The following KAT6B variants were observed in gnomAD, a reference collection of about 807,000 sequenced individuals.
KAT6B encodes histone acetyltransferase KAT6B.
KAT6B carries 10 observed loss-of-function variants against 187.5 expected under a neutral mutation model. That is an observed-to-expected ratio of 0.05 (90% CI 0.03 to 0.09). The LOEUF is 0.09. Ranked by LOEUF, KAT6B falls within the 10% of genes least tolerant of loss-of-function variation. The pLI, the probability that KAT6B is intolerant of heterozygous loss-of-function variation, is 1.00. For missense variants in KAT6B, 1,952 were observed against 2,558.9 expected (o/e 0.76, Z 5.12); for synonymous variants, 861 against 926.8 (o/e 0.93, Z 1.29).
chr10:74,874,569 A>C (rs909279679), intron 3 of KAT6B, among the ~76,000 whole-genome samples: 1 of 151,964 alleles, frequency 6.6e-6, no homozygotes, highest in Non-Finnish European at 1.5e-5. Context: ...TAGTAGAGAC[A>C]GGGTTTCTAC....
chr10:74,921,486 T>C lies in KAT6B; in HGVS notation c.622-38484T>C, dbSNP rs527418735. Among the ~76,000 whole-genome samples the C allele has an allele frequency of 2.6e-5, 4 of 152,334 alleles. No homozygotes were observed. The East Asian group carries it at 7.7e-4, about 29-fold the overall frequency. ...GTGTGAACTGTCCCTTGCTGTTTTT[T>C]GGGCATCTATCAAGGCATTTGTTCT... On this transcript the variant is annotated intron_variant, in intron 3 of 17. Coordinates refer to ENST00000287239, the MANE Select transcript of KAT6B (RefSeq NM_012330.4).
chr10:74,878,657 G>A (rs1247044118), intron 3 of KAT6B, among the ~76,000 whole-genome samples: 5 of 152,086 alleles, frequency 3.3e-5, no homozygotes, highest in Middle Eastern at 3.4e-3. Context: ...GTTTTGGCTG[G>A]GGAAGGCTTT....
Position 75,029,436 on chromosome 10 carries a change from G to T in KAT6B, c.4612G>T (p.Asp1538Tyr). The T allele has an allele frequency of 6.2e-7, 1 of 1,614,112 alleles. No homozygotes were observed. The highest frequency in any genetic ancestry group is 8.5e-7 in the Non-Finnish European group (1 of 1,180,032). The change falls in exon 18 of 18, where the codon GAC (aspartate) becomes TAC (tyrosine). Residue 1538 changes from aspartate (D) to tyrosine (Y), a missense_variant. Asp to Tyr is a radical substitution (Grantham distance 160, BLOSUM62 -3). This residue lies in a region of KAT6B where 758 missense variants were observed against 891.4 expected (regional missense o/e 0.85). Transcript: ENST00000287239. This position sits in a 1 kb window ranked among gnomAD's most constrained non-coding sequence, Gnocchi z 6.2. ...GGGAAACCCAGCAACCATGGAAATC[G>T]ACTCTGAGACTGTCCAGGCCGTTCA... ...KEGNPATMEIDSETVQAVQSL... is the reference protein window; with the variant it reads ...KEGNPATMEIYSETVQAVQSL...
chr10:74,904,910 A>G (rs993041766), intron 3 of KAT6B, among the ~76,000 whole-genome samples: 2 of 152,120 alleles, frequency 1.3e-5, no homozygotes, highest in African/African-American at 4.8e-5. Context: ...TTGATGGTCT[A>G]AGGAGTTTAG....
At chr10:74,907,269 A>G (rs1256760395) in intron 3 of KAT6B, among the ~76,000 whole-genome samples, 3 of 152,200 alleles carry the variant, frequency 2.0e-5, no homozygotes, top group African/African-American at 7.2e-5. Context: ...CTTTCAGAAC[A>G]TTTGGAACTT....
chr10:74,955,821 A>G lies in KAT6B; in HGVS notation c.622-4149A>G, dbSNP rs1369888159. 3.9e-5 allele frequency among the ~76,000 whole-genome samples: 6 copies of G among 152,166 alleles called. No individual in the cohort carries two copies. In the East Asian group the frequency reaches 7.7e-4, roughly 20 times the overall value. On this transcript the variant is annotated intron_variant, in intron 3 of 17. Coordinates refer to ENST00000287239, the MANE Select transcript of KAT6B (RefSeq NM_012330.4). ...TAATTATCCCAATAATATCCTTCAT[A>G]GCTGTGGATATTTTGTAAAAGTCCA...
intron 3 of KAT6B, among the ~76,000 whole-genome samples, chr10:74,886,606 T>G (rs192146141): frequency 3.2e-4 from 49 of 152,318 alleles, no homozygotes; most frequent in African/African-American, 8.4e-4. Context: ...GGTGTTATAG[T>G]TGGCTGATGC....
chr10:74,958,157 T>C (rs975755213), intron 3 of KAT6B, among the ~76,000 whole-genome samples: 1 of 152,148 alleles, frequency 6.6e-6, no homozygotes, highest in Non-Finnish European at 1.5e-5. Flanking sequence ...GATGACATGT[T>C]GTCCCAAGGA....
At chr10:74,825,420 G>C (rs1489890534), upstream of KAT6B, among the ~76,000 whole-genome samples, 1 of 150,378 alleles carries the variant, frequency 6.6e-6, no homozygotes, top group African/African-American at 2.4e-5. This position sits in a 1 kb window ranked among gnomAD's most constrained non-coding sequence, Gnocchi z 5.0. Context: ...GGCCAGGCCG[G>C]GCGGGCTGGC....
At chr10:74,892,809 T>A (rs545990775) in intron 3 of KAT6B, among the ~76,000 whole-genome samples, 1 of 152,274 alleles carries the variant, frequency 6.6e-6, no homozygotes, top group Admixed American at 6.5e-5. Flanking sequence ...GAAAGCGTTC[T>A]TGAGTGAGTG....
intron 3 of KAT6B, among the ~76,000 whole-genome samples, chr10:74,908,705 G>A (rs911118247): frequency 1.3e-5 from 2 of 152,118 alleles, no homozygotes; most frequent in African/African-American, 2.4e-5. Flanking sequence ...GGTCAACCTA[G>A]TATATTCCCC....
chr10:74,833,085 A>G (rs1840993617), intron 1 of KAT6B, among the ~76,000 whole-genome samples: 1 of 147,130 alleles, frequency 6.8e-6, no homozygotes, highest in Admixed American at 6.9e-5. Context: ...CAGTGAGCCG[A>G]GATCACGCCA....
intron 3 of KAT6B, among the ~76,000 whole-genome samples, chr10:74,907,522 CTTTT>C (rs1846860977): frequency 6.6e-6 from 1 of 151,614 alleles, no homozygotes; most frequent in African/African-American, 2.4e-5. Flanking sequence ...TTTTCTTTTT[CTTTT>C]TCTTTTTCTT....
intron 3 of KAT6B, among the ~76,000 whole-genome samples, chr10:74,875,483 T>C (rs1844346892): frequency 6.6e-6 from 1 of 151,510 alleles, no homozygotes; most frequent in African/African-American, 2.4e-5. Flanking sequence ...TCTTTTTTTT[T>C]TTTTTTCCCT....
At chr10:74,974,882 T>C (rs929575984) in intron 7 of KAT6B, among the ~76,000 whole-genome samples, 1 of 151,964 alleles carries the variant, frequency 6.6e-6, no homozygotes, top group African/African-American at 2.4e-5. Context: ...TTTTATGTTT[T>C]CTTAAAAAAA....
rs1846174498 is a variant in KAT6B, at chr10:75,029,832, C to T, written c.5008C>T (p.Leu1670=). 2 of 1,614,060 alleles carry T rather than the reference C, an allele frequency of 1.2e-6. No homozygotes were observed. Among genetic ancestry groups the T allele is most frequent in the African/African-American group, 1.3e-5 (1 of 74,928 alleles). Residue 1670 remains leucine (L), a synonymous_variant, in exon 18 of 18, where the codon CTG becomes TTG. Coordinates refer to ENST00000287239, the MANE Select transcript of KAT6B (RefSeq NM_012330.4). The surrounding 1 kb of genome is among the most constrained non-coding windows in gnomAD (Gnocchi z 6.2). ...QQVVDSGFSD[L]GSIESTTENY... is the part of the protein sequence containing the mutation. ...AGTCGTAGACAGTGGATTTAGTGAC[C>T]TGGGCAGTATCGAGAGCACAACTGA...
At chr10:74,881,480 C>T (rs143992585) in intron 3 of KAT6B, among the ~76,000 whole-genome samples, 158 of 152,328 alleles carry the variant, frequency 1.0e-3, no homozygotes, top group African/African-American at 3.5e-3. Context: ...TTCTGGCTAT[C>T]TCCAAACACC....
At chr10:74,976,360 C>G (rs1842160564) in intron 8 of KAT6B, 30 bp downstream of exon 8, 3 of 1,579,316 alleles carry the variant, frequency 1.9e-6, no homozygotes, top group Non-Finnish European at 2.6e-6. Context: ...TCCAACCAAA[C>G]CTGCGTCCCG....
At chr10:74,998,323 T>C (rs960665331) in intron 13 of KAT6B, among the ~76,000 whole-genome samples, 1 of 152,178 alleles carries the variant, frequency 6.6e-6, no homozygotes, top group Non-Finnish European at 1.5e-5. Flanking sequence ...ATTATTTTCA[T>C]AGTTAATATA....
Sources: gnomAD v4.1 joint callset for allele counts (sites outside exome capture counted in the v4.1 genomes callset) on GRCh38, gnomAD v4.1.1 for gene constraint, gnomAD v4.1.1 regional missense constraint, Gnocchi (gnomAD v3.1) non-coding constraint, MANE v1.5 for transcripts, NCBI Gene and HGNC (gene_info 2026-07-23, HGNC 2026-07-21) for gene names.